Variants in PLEKHA6 observed in about 807,000 individuals in gnomAD.
PLEKHA6 encodes pleckstrin homology domain-containing family A member 6.
A neutral mutation model predicts 116.7 loss-of-function variants in PLEKHA6; 60 were observed. The ratio of observed to expected loss-of-function variants is 0.51; its 90% CI spans 0.42 to 0.64. The LOEUF (loss-of-function observed/expected upper bound fraction) is 0.64. Ranked by LOEUF, PLEKHA6 falls within the 30% of genes least tolerant of loss-of-function variation. PLEKHA6 has a pLI of 0.00. For synonymous variants in PLEKHA6, 489 were observed against 556.1 expected, an observed-to-expected ratio of 0.88 and a Z score of 1.70; for missense variants, 1,338 against 1,422.7, an observed-to-expected ratio of 0.94 and a Z score of 0.96.
At position 204,250,622 on chromosome 1, in the gene PLEKHA6, A is replaced by T. The variant is rs771442985; in HGVS notation, c.1525-8T>A. The T allele has an allele frequency of 6.2e-7, 1 of 1,607,704 alleles. No individual in the cohort carries two copies. The highest frequency in any genetic ancestry group is 1.1e-5 in the South Asian group (1 of 90,610). On this transcript the variant is annotated splice_region_variant and splice_polypyrimidine_tract_variant and intron_variant, in intron 9 of 22. Coordinates refer to ENST00000272203, the MANE Select transcript of PLEKHA6 (RefSeq NM_014935.5). ...TTCTGGGTATGGAGGGACCTGCAGG[A>T]ACATGAGGCCGGTTACTGCAGCAGG... is the stretch of plus-strand genomic sequence containing the variant.
At chr1:204,313,782 A>G (rs1671752890) in intron 1 of PLEKHA6, 2 of 814,726 alleles carry the variant, frequency 2.5e-6, no homozygotes, top group African/African-American at 1.9e-5. Context: ...TGTCTAATTA[A>G]GCAAGCAGCA....
rs569827473 is a variant in PLEKHA6 at position 204,230,272 on chromosome 1, C to T, written c.2583+141G>A. ...TCTGCCGATGGGGGAGAGGACTCTC[C>T]GGCTCTCCCAGGTGCCCAGCTTGGG... On this transcript the variant is annotated intron_variant, in intron 18 of 22. Coordinates refer to ENST00000272203, the MANE Select transcript of PLEKHA6 (RefSeq NM_014935.5). 250 of 598,436 alleles carry T rather than the reference C, an allele frequency of 4.2e-4. 2 individuals carry two copies. The highest frequency in any genetic ancestry group is 3.7e-3 in the African/African-American group (194 of 52,306). 37.1% of individuals were successfully genotyped at this position (598,436 alleles called of 1,614,324 possible).
chr1:204,259,999 G>T lies in PLEKHA6; in HGVS notation c.525-259C>A, dbSNP rs138918557. On this transcript the variant is annotated intron_variant, in intron 7 of 22. Transcript: ENST00000272203. The surrounding 1 kb of genome is among the most constrained non-coding windows in gnomAD (Gnocchi z 4.6). ...TCTGCCCCCCACGTCTTCTCTGCAG[G>T]TCATTCTCCACCCCACTCCCCTCTG... Among the ~76,000 whole-genome samples the T allele has an allele frequency of 1.5e-4, 23 of 152,186 alleles. No homozygotes were observed. The East Asian group carries it at 2.3e-3, about 15-fold the overall frequency.
At chr1:204,338,880 T>C (rs77661616) in intron 1 of PLEKHA6, among the ~76,000 whole-genome samples, 2,565 of 152,302 alleles carry the variant, frequency 0.017, 62 homozygotes, top group African/African-American at 0.055. Flanking sequence ...GCTTTCAGTC[T>C]TCAAGAGTGG....
chr1:204,289,127 GGA>G (rs1669493097), intron 1 of PLEKHA6, among the ~76,000 whole-genome samples: 1 of 152,156 alleles, frequency 6.6e-6, no homozygotes, highest in Non-Finnish European at 1.5e-5. Context: ...CCTCATTTGA[GGA>G]AGAAATTAGG....
rs953040547 is a variant in PLEKHA6 at position 204,301,266 on chromosome 1, G to A, written c.-94-26457C>T. The A allele has an allele frequency of 1.7e-5, 17 of 982,900 alleles. No homozygotes were observed. In the South Asian group the frequency reaches 4.2e-4, roughly 24 times the overall value. The allele number at this position is 982,900 out of a possible 1,614,324, so 60.9% of individuals were successfully genotyped here. On this transcript the variant is annotated intron_variant, in intron 1 of 22. Transcript: ENST00000272203. ...TATTTAAGCTAAAGATGCTGACAGC[G>A]AGTCAAAGCACTTGCCTCATCACCA... is the stretch of plus-strand genomic sequence containing the variant.
Position 204,257,655 on chromosome 1 carries a change from C to T in PLEKHA6, c.1222G>A (p.Glu408Lys). ...NGGGPAYQLR[E>K]WKEPASYGRQ... ...CCGTAGCTGGCGGGCTCCTTCCACT[C>T]TCGCAGCTGGTAGGCAGGGCCACCC... is the stretch of plus-strand genomic sequence containing the variant. Residue 408 changes from glutamate to lysine, a missense_variant, in exon 9 of 23, where the codon GAG (glutamate) becomes AAG (lysine). Glu to Lys is a moderately conservative substitution (Grantham distance 56, BLOSUM62 1). Transcript: ENST00000272203. This position sits in a 1 kb window ranked among gnomAD's most constrained non-coding sequence, Gnocchi z 6.5. 3.7e-6 allele frequency: 6 copies of T among 1,610,314 alleles called. No individual in the cohort carries two copies. The highest frequency in any genetic ancestry group is 5.1e-6 in the Non-Finnish European group (6 of 1,178,442).
chr1:204,267,551 C>T lies in PLEKHA6; in HGVS notation c.208-4G>A, dbSNP rs367545910. ...ACTGCTTAACCCCGGAGCTGGCCTGCGGGACATGGGAGAGGCAGATGTGAG... is the reference window on the plus strand; with the variant it reads ...ACTGCTTAACCCCGGAGCTGGCCTGTGGGACATGGGAGAGGCAGATGTGAG... On this transcript the variant is annotated splice_region_variant and splice_polypyrimidine_tract_variant and intron_variant, in intron 4 of 22. Coordinates refer to ENST00000272203, the MANE Select transcript of PLEKHA6 (RefSeq NM_014935.5). The T allele has an allele frequency of 3.3e-4, 538 of 1,613,598 alleles. 5 individuals are homozygous for T. In the South Asian group the frequency reaches 5.1e-3, roughly 15 times the overall value.
intron 1 of PLEKHA6, among the ~76,000 whole-genome samples, chr1:204,293,757 T>C (rs1669999464): frequency 2.0e-5 from 3 of 152,192 alleles, no homozygotes; most frequent in South Asian, 2.1e-4. Context: ...GGGGAGTGTA[T>C]TAATCGCCTT....
intron 1 of PLEKHA6, chr1:204,326,071 T>G (rs1475750116): frequency 5.6e-6 from 1 of 178,260 alleles, no homozygotes. Flanking sequence ...CCACTTAATT[T>G]TCTCCTAAGC....
chr1:204,259,536 C>T lies in PLEKHA6; in HGVS notation c.729G>A (p.Pro243=), dbSNP rs1432460025. 3.7e-6 allele frequency: 6 copies of T among 1,613,964 alleles called. No homozygotes were observed. The highest frequency in any genetic ancestry group is 1.3e-5 in the African/African-American group (1 of 74,938). The change falls in exon 8 of 23, where the codon CCG becomes CCA. Residue 243 remains proline, a synonymous_variant. Transcript: ENST00000272203. This position sits in a 1 kb window ranked among gnomAD's most constrained non-coding sequence, Gnocchi z 4.6. ...GGCTGCCCGGCTCTGAGGCTGGCTC[C>T]GGTCCAGCTGGGAGGCCATTGGCTT... ...PVKANGLPAG[P]EPASEPGSPY...
At chr1:204,358,238 C>A (rs1460730396) in intron 1 of PLEKHA6, among the ~76,000 whole-genome samples, 1 of 152,216 alleles carries the variant, frequency 6.6e-6, no homozygotes, top group Non-Finnish European at 1.5e-5. Context: ...CAGAAACTCG[C>A]TTGTTTCCAT....
chr1:204,301,501 T>C (rs1670812898), intron 1 of PLEKHA6: 1 of 984,654 alleles, frequency 1.0e-6, no homozygotes, highest in African/African-American at 1.7e-5. Context: ...GCCACCCAAG[T>C]CCCCACCTCA....
At chr1:204,370,617 C>T (rs1394651792) in intron 2 of PLEKHA6, among the ~76,000 whole-genome samples, 2 of 152,338 alleles carry the variant, frequency 1.3e-5, no homozygotes, top group Non-Finnish European at 1.5e-5. Flanking sequence ...CCCACCTTTC[C>T]CACTAGCCCT....
Position 204,261,207 on chromosome 1 carries a change from G to T in PLEKHA6, c.524+99C>A. 3 of 1,412,490 alleles carry T rather than the reference G, an allele frequency of 2.1e-6. No homozygotes were observed. The highest frequency in any genetic ancestry group is 1.2e-5 in the South Asian group (1 of 85,484). 87.5% of individuals were successfully genotyped at this position (1,412,490 alleles called of 1,614,324 possible). On this transcript the variant is annotated intron_variant, in intron 7 of 22. Transcript: ENST00000272203. This position sits in a 1 kb window ranked among gnomAD's most constrained non-coding sequence, Gnocchi z 4.0. ...GCTCACACATTCTCCAGGGCTTCAA[G>T]TAGGCACACTGGGATTAGCAATGGC...
At chr1:204,332,226 G>A (rs1672479992) in intron 1 of PLEKHA6, among the ~76,000 whole-genome samples, 3 of 152,186 alleles carry the variant, frequency 2.0e-5, no homozygotes, top group Admixed American at 6.5e-5. Flanking sequence ...TGCCCACGCT[G>A]GGAAGTCACA....
chr1:204,296,349 A>G lies in PLEKHA6; in HGVS notation c.-94-21540T>C, dbSNP rs140976445. On this transcript the variant is annotated intron_variant, in intron 1 of 22. Transcript: ENST00000272203. ...CTGATTTTTTTTTTTAATGGTAGAG[A>G]GCATGAATTAAAGCCCCCACATCTT... is the stretch of plus-strand genomic sequence containing the variant. Among the ~76,000 whole-genome samples, 493 of 151,514 alleles carry G rather than the reference A, an allele frequency of 3.3e-3. 3 individuals are homozygous for G. Among genetic ancestry groups the G allele is most frequent in the African/African-American group, 0.012 (479 of 41,244 alleles).
intron 1 of PLEKHA6, among the ~76,000 whole-genome samples, chr1:204,313,926 G>C (rs1373307396): frequency 6.6e-6 from 1 of 152,164 alleles, no homozygotes; most frequent in Non-Finnish European, 1.5e-5. Context: ...GTCCGATTCT[G>C]CCCTCCTACT....
At chr1:204,374,141 G>T (rs982705688) in intron 1 of PLEKHA6, among the ~76,000 whole-genome samples, 19 of 151,954 alleles carry the variant, frequency 1.3e-4, no homozygotes, top group Non-Finnish European at 2.1e-4. Flanking sequence ...CTTCCCCTTG[G>T]CTTGGCACCA....
Sources: gnomAD v4.1 joint callset for allele counts (sites outside exome capture counted in the v4.1 genomes callset) on GRCh38, gnomAD v4.1.1 for gene constraint, Gnocchi (gnomAD v3.1) non-coding constraint, MANE v1.5 for transcripts, NCBI Gene and HGNC (gene_info 2026-07-23, HGNC 2026-07-21) for gene names.